The following TIAM1 variants were observed in gnomAD, a reference collection of about 807,000 sequenced individuals.
TIAM1 encodes the protein TIAM Rac1 associated GEF 1.
TIAM1 carries 65 observed loss-of-function variants against 163.5 expected under a neutral mutation model. That is an observed-to-expected ratio of 0.40 (90% CI 0.33 to 0.49). TIAM1 has a LOEUF of 0.49. Among genes scored for constraint, TIAM1 ranks in the 20% least tolerant of loss-of-function variants. TIAM1 has a pLI of 0.77. For missense variants in TIAM1, 1,789 were observed against 2,044.7 expected (o/e 0.87, Z 2.41); for synonymous variants, 833 against 810.1 (o/e 1.03, Z -0.48).
chr21:31,202,899 T>C lies in TIAM1; in HGVS notation c.2493+9A>G. 1 of 1,611,000 alleles carries C rather than the reference T, an allele frequency of 6.2e-7. No individual in the cohort carries two copies. Among genetic ancestry groups the C allele is most frequent in the South Asian group, 1.1e-5 (1 of 90,984 alleles). On this transcript the variant is annotated intron_variant, in intron 12 of 27. Coordinates refer to ENST00000541036, the MANE Select transcript of TIAM1 (RefSeq NM_001353694.2). ...ATAAAGTGTGCTTGGACAACAGTCATAACATTACCAGCTCATAGATGTCTT... is the reference window on the plus strand; with the variant it reads ...ATAAAGTGTGCTTGGACAACAGTCACAACATTACCAGCTCATAGATGTCTT...
intron 1 of TIAM1, among the ~76,000 whole-genome samples, chr21:31,341,405 C>G (rs1335303543): frequency 1.3e-5 from 2 of 152,190 alleles, no homozygotes; most frequent in Non-Finnish European, 2.9e-5. Flanking sequence ...TCTGAGAAAA[C>G]TTTAAAATGC....
At chr21:31,461,002 T>C (rs189059786) in intron 2 of TIAM1, among the ~76,000 whole-genome samples, 28 of 152,288 alleles carry the variant, frequency 1.8e-4, no homozygotes, top group African/African-American at 5.3e-4. Flanking sequence ...TAAAACAAGA[T>C]GAATTCCATT....
intron 1 of TIAM1, among the ~76,000 whole-genome samples, chr21:31,557,731 C>T (rs1171847737): frequency 6.6e-6 from 1 of 152,194 alleles, no homozygotes; most frequent in African/African-American, 2.4e-5. Flanking sequence ...GCACAGTGTC[C>T]CCAAGGGCTC....
rs1417755495 is a variant in TIAM1 at position 31,118,961 on chromosome 21, T to C, written c.*1407A>G. 1 of 183,916 alleles carries C rather than the reference T, an allele frequency of 5.4e-6. No homozygotes were observed. Among genetic ancestry groups the C allele is most frequent in the East Asian group, 1.6e-4 (1 of 6,232 alleles). 11.4% of individuals were successfully genotyped at this position (183,916 alleles called of 1,614,324 possible). A position where few individuals can be genotyped will look rare whatever the true frequency, so the allele number is the denominator to read the frequency against. On this transcript the variant is annotated 3_prime_UTR_variant, in exon 28 of 28. Transcript: ENST00000541036. ...TAAAATATAACTCCTAAAGCTACTA[T>C]AAAATTCAGGTCTTTAAAGTACCTA...
intron 2 of TIAM1, among the ~76,000 whole-genome samples, chr21:31,432,644 G>C (rs548401077): frequency 1.3e-5 from 2 of 152,346 alleles, no homozygotes; most frequent in African/African-American, 4.8e-5. Flanking sequence ...CATGAAGTGG[G>C]AGGGGAAGGC....
intron 2 of TIAM1, among the ~76,000 whole-genome samples, chr21:31,364,901 C>T (rs894047350): frequency 3.9e-5 from 6 of 152,104 alleles, no homozygotes; most frequent in Admixed American, 1.3e-4. Context: ...TCAATCTTTG[C>T]GAGCCATATA....
At chr21:31,520,331 CAA>C (rs776959924) in intron 1 of TIAM1, among the ~76,000 whole-genome samples, 35 of 75,962 alleles carry the variant, frequency 4.6e-4, no homozygotes, top group Admixed American at 5.8e-4. Context: ...AACTCTGTCT[CAA>C]AAAAAAAAAA....
At chr21:31,187,291 G>A (rs1055398390) in intron 13 of TIAM1, among the ~76,000 whole-genome samples, 7 of 152,158 alleles carry the variant, frequency 4.6e-5, no homozygotes, top group African/African-American at 1.7e-4. Context: ...AGATTACTAT[G>A]TACGTCTATC....
At chr21:31,549,726 T>C (rs1377687199) in intron 1 of TIAM1, among the ~76,000 whole-genome samples, 1 of 152,180 alleles carries the variant, frequency 6.6e-6, no homozygotes, top group Non-Finnish European at 1.5e-5. Context: ...GGATGTAAAA[T>C]GGTGCACCCA....
chr21:31,152,313 G>A (rs973092846), intron 19 of TIAM1, among the ~76,000 whole-genome samples: 9 of 152,278 alleles, frequency 5.9e-5, no homozygotes, highest in South Asian at 2.1e-4. Flanking sequence ...GATTACAGGC[G>A]TGAGCCACCA....
intron 1 of TIAM1, among the ~76,000 whole-genome samples, chr21:31,515,903 T>C (rs1311215142): frequency 6.7e-6 from 1 of 150,240 alleles, no homozygotes; most frequent in Non-Finnish European, 1.5e-5. Context: ...AGGTCAGGAG[T>C]TCGAGACCAG....
At chr21:31,541,449 CCT>C (rs1412033239) in intron 1 of TIAM1, among the ~76,000 whole-genome samples, 1 of 151,346 alleles carries the variant, frequency 6.6e-6, no homozygotes, top group Admixed American at 6.6e-5. Flanking sequence ...AGAGTGAGAC[CCT>C]GTCTCAAAAA....
In TIAM1 at chr21:31,266,642, T is replaced by G. The variant is rs769709195; in HGVS notation, c.331A>C (p.Ser111Arg). The change falls in exon 4 of 28, where the codon AGC becomes CGC. Residue 111 changes from serine to arginine, a missense_variant. By Grantham distance (110) the Ser-to-Arg change is moderately radical. This residue lies in a region of TIAM1 where 555 missense variants were observed against 564.9 expected (regional missense o/e 0.98). Coordinates refer to ENST00000541036, the MANE Select transcript of TIAM1 (RefSeq NM_001353694.2). The stretch of plus-strand genomic sequence containing the variant: ...GTGAGGACGATGCTGCTGTCTACGC[T>G]GGGAGTGACAGAAGAGTCAGTGTAA... Reference protein sequence around the residue: ...VSYTDSSVTPSVDSSIVLTAA... With the variant: ...VSYTDSSVTPRVDSSIVLTAA... 6.2e-7 allele frequency: 1 copy of G among 1,614,220 alleles called. No individual in the cohort carries two copies. Among genetic ancestry groups the G allele is most frequent in the Admixed American group, 1.7e-5 (1 of 60,026 alleles).
chr21:31,503,173 T>A (rs951006105), intron 1 of TIAM1, among the ~76,000 whole-genome samples: 2 of 151,508 alleles, frequency 1.3e-5, no homozygotes, highest in Non-Finnish European at 2.9e-5. Flanking sequence ...GGCGGGTGGG[T>A]CGTTTGAGAT....
intron 2 of TIAM1, among the ~76,000 whole-genome samples, chr21:31,384,788 A>G (rs2076837610): frequency 6.6e-6 from 1 of 152,224 alleles, no homozygotes; most frequent in African/African-American, 2.4e-5. Context: ...ATGGAACAGG[A>G]AACCATTTTT....
chr21:31,283,332 C>T (rs2073651812), intron 2 of TIAM1, among the ~76,000 whole-genome samples: 2 of 152,170 alleles, frequency 1.3e-5, no homozygotes, highest in Non-Finnish European at 2.9e-5. Flanking sequence ...GCCACCAGAC[C>T]CCCAAGGGCT....
intron 2 of TIAM1, among the ~76,000 whole-genome samples, chr21:31,431,464 T>C (rs566012339): frequency 4.5e-4 from 68 of 152,364 alleles, no homozygotes; most frequent in Non-Finnish European, 7.8e-4. Context: ...GGAGAACCAC[T>C]GAGCTAGACT....
At chr21:31,544,810 G>C (rs996288386) in intron 1 of TIAM1, among the ~76,000 whole-genome samples, 4 of 151,926 alleles carry the variant, frequency 2.6e-5, no homozygotes, top group Admixed American at 1.3e-4. Flanking sequence ...TCAGGAGATC[G>C]AGACCATCCT....
intron 4 of TIAM1, among the ~76,000 whole-genome samples, chr21:31,259,818 A>G (rs1334123388): frequency 6.6e-6 from 1 of 151,970 alleles, no homozygotes; most frequent in Non-Finnish European, 1.5e-5. Context: ...AGTATATTGC[A>G]AGAGAGTGAA....
Sources: gnomAD v4.1 joint callset for allele counts (sites outside exome capture counted in the v4.1 genomes callset) on GRCh38, gnomAD v4.1.1 for gene constraint, gnomAD v4.1.1 regional missense constraint, MANE v1.5 for transcripts, NCBI Gene and HGNC (gene_info 2026-07-23, HGNC 2026-07-21) for gene names.